The following CNTN5 variants were observed in gnomAD, a reference collection of about 807,000 sequenced individuals.
CNTN5 encodes the protein contactin-5.
In CNTN5, 77 loss-of-function variants were observed where a neutral mutation model predicts 129.1. That is an observed-to-expected ratio of 0.60 (90% CI 0.50 to 0.72). The LOEUF is 0.72. Ranked by LOEUF, CNTN5 falls within the 30% of genes least tolerant of loss-of-function variation. CNTN5 has a pLI of 0.00. For synonymous variants in CNTN5, 509 were observed against 465.6 expected (o/e 1.09, Z -1.20); for missense variants, 1,478 against 1,328.8 (o/e 1.11, Z -1.75).
At chr11:99,368,732 A>C (rs1449652115) in intron 2 of CNTN5, among the ~76,000 whole-genome samples, 1 of 152,194 alleles carries the variant, frequency 6.6e-6, no homozygotes, top group African/African-American at 2.4e-5. Context: ...TCTAGTTCCC[A>C]TGGTTACTAA....
At chr11:100,046,716 G>A (rs1409860245) in intron 9 of CNTN5, among the ~76,000 whole-genome samples, 1 of 151,864 alleles carries the variant, frequency 6.6e-6, no homozygotes, top group African/African-American at 2.4e-5. Context: ...AAACAATTTT[G>A]GACTGCCACT....
chr11:99,662,282 G>T (rs1375285764), intron 3 of CNTN5, among the ~76,000 whole-genome samples: 1 of 152,040 alleles, frequency 6.6e-6, no homozygotes, highest in East Asian at 1.9e-4. Flanking sequence ...AATAAGGGGG[G>T]ATTGATTAGG....
chr11:99,213,452 A>G (rs953642075), intron 1 of CNTN5, among the ~76,000 whole-genome samples: 12 of 145,768 alleles, frequency 8.2e-5, no homozygotes, highest in Non-Finnish European at 6.0e-5. Context: ...ACATATATGT[A>G]TATACATATA....
intron 3 of CNTN5, among the ~76,000 whole-genome samples, chr11:99,715,530 C>T (rs557408942): frequency 1.3e-5 from 2 of 151,828 alleles, no homozygotes; most frequent in South Asian, 4.1e-4. Flanking sequence ...GAACAGGAAA[C>T]AGAGTGAACC....
chr11:99,328,509 GT>G (rs915450188), intron 2 of CNTN5, among the ~76,000 whole-genome samples: 57 of 152,038 alleles, frequency 3.7e-4, no homozygotes, highest in African/African-American at 1.3e-3. Context: ...TACACATATA[GT>G]TTTTTGTGTT....
chr11:100,252,725 G>A (rs1445608484), intron 16 of CNTN5, among the ~76,000 whole-genome samples: 1 of 152,226 alleles, frequency 6.6e-6, no homozygotes, highest in Middle Eastern at 3.4e-3. Context: ...CATGTCTGGT[G>A]CCTGGACTTG....
At chr11:99,932,782 A>T (rs918867168) in intron 7 of CNTN5, among the ~76,000 whole-genome samples, 1 of 152,136 alleles carries the variant, frequency 6.6e-6, no homozygotes, top group African/African-American at 2.4e-5. Context: ...TCTTCATTTT[A>T]TCCGTTTATG....
chr11:100,285,797 G>T (rs189108799), intron 18 of CNTN5, among the ~76,000 whole-genome samples: 8 of 152,182 alleles, frequency 5.3e-5, no homozygotes, highest in Non-Finnish European at 1.0e-4. Context: ...AGCTCCCAGC[G>T]TGAGCGACGC....
At chr11:99,801,106 G>GCCT (rs1946100518) in intron 3 of CNTN5, among the ~76,000 whole-genome samples, 1 of 152,160 alleles carries the variant, frequency 6.6e-6, no homozygotes, top group Admixed American at 6.5e-5. Flanking sequence ...TACCGTAAGA[G>GCCT]CCTCTTACAA....
chr11:99,958,664 G>A (rs963631812), intron 8 of CNTN5, among the ~76,000 whole-genome samples: 3 of 152,140 alleles, frequency 2.0e-5, no homozygotes, highest in Non-Finnish European at 4.4e-5. Flanking sequence ...GGAAAATAAA[G>A]AAATGCAGTT....
At chr11:99,651,629 C>T (rs1234615708) in intron 3 of CNTN5, among the ~76,000 whole-genome samples, 1 of 151,908 alleles carries the variant, frequency 6.6e-6, no homozygotes, top group Non-Finnish European at 1.5e-5. Flanking sequence ...GGAGAACAGA[C>T]TGGTTTAAAA....
chr11:100,144,754 T>A (rs200607984), intron 13 of CNTN5, among the ~76,000 whole-genome samples: 1 of 151,026 alleles, frequency 6.6e-6, no homozygotes, highest in Non-Finnish European at 1.5e-5. Context: ...TTTTTGAGAC[T>A]GAGTCTGGAG....
At chr11:99,484,272 A>G (rs950928077) in intron 2 of CNTN5, among the ~76,000 whole-genome samples, 3 of 152,162 alleles carry the variant, frequency 2.0e-5, no homozygotes, top group Admixed American at 2.0e-4. Context: ...AAATATATGA[A>G]AAAAAAGCTC....
intron 3 of CNTN5, among the ~76,000 whole-genome samples, chr11:99,740,982 C>G (rs932770455): frequency 6.6e-6 from 1 of 152,102 alleles, no homozygotes; most frequent in African/African-American, 2.4e-5. Flanking sequence ...CCAATTCAAA[C>G]TTTACCTATT....
chr11:99,162,142 G>C (rs980402371), intron 1 of CNTN5, among the ~76,000 whole-genome samples: 1 of 151,980 alleles, frequency 6.6e-6, no homozygotes, highest in Non-Finnish European at 1.5e-5. Context: ...AGCGTGGCAT[G>C]GTTGATCTAA....
At chr11:100,227,292 C>G (rs1274966920) in intron 16 of CNTN5, among the ~76,000 whole-genome samples, 1 of 152,212 alleles carries the variant, frequency 6.6e-6, no homozygotes, top group Admixed American at 6.5e-5. Context: ...TTATTTTATA[C>G]ATTTTACCAA....
chr11:99,431,507 G>A (rs2135106010), intron 2 of CNTN5, among the ~76,000 whole-genome samples: 1 of 152,176 alleles, frequency 6.6e-6, no homozygotes, highest in Admixed American at 6.5e-5. Context: ...ATGAAATTTG[G>A]GGAGATCAGG....
At chr11:99,657,137 C>T (rs1227507379) in intron 3 of CNTN5, among the ~76,000 whole-genome samples, 1 of 151,402 alleles carries the variant, frequency 6.6e-6, no homozygotes, top group Non-Finnish European at 1.5e-5. Context: ...AAACCTCCAA[C>T]AAAATCTATA....
At chr11:99,574,628 T>G (rs1016519196) in intron 3 of CNTN5, among the ~76,000 whole-genome samples, 1 of 152,202 alleles carries the variant, frequency 6.6e-6, no homozygotes, top group Non-Finnish European at 1.5e-5. Context: ...GTATCACATT[T>G]TGGATTTGAT....
Sources: gnomAD v4.1 joint callset for allele counts (sites outside exome capture counted in the v4.1 genomes callset) on GRCh38, gnomAD v4.1.1 for gene constraint, MANE v1.5 for transcripts, NCBI Gene and HGNC (gene_info 2026-07-23, HGNC 2026-07-21) for gene names.